Variants in SPEG observed in about 807,000 individuals in gnomAD.
SPEG encodes striated muscle enriched protein kinase, also known as striated muscle preferentially expressed protein kinase.
A neutral mutation model predicts 300.4 loss-of-function variants in SPEG; 114 were observed. The observed-to-expected ratio is 0.38, with a 90% CI of 0.33 to 0.44. The LOEUF is 0.44. Ranked by LOEUF, SPEG falls within the 20% of genes least tolerant of loss-of-function variation. SPEG has a pLI of 1.00. For synonymous variants in SPEG, 1,964 were observed against 2,018.9 expected (o/e 0.97, Z 0.73); for missense variants, 4,201 against 4,586.2 (o/e 0.92, Z 2.43).
Position 219,483,643 on chromosome 2 carries a change from G to T in SPEG, c.6180G>T (p.Glu2060Asp). The T allele has an allele frequency of 6.5e-7, 1 of 1,527,454 alleles. No homozygotes were observed. Among genetic ancestry groups the T allele is most frequent in the Admixed American group, 2.0e-5 (1 of 51,046 alleles). 94.6% of individuals were successfully genotyped at this position (1,527,454 alleles called of 1,614,324 possible). ...ATRLARGGLG[E>D]GEYAQRLQAL... Reference sequence around the variant, plus strand: ...GCCTGGCCCGGGGAGGCCTGGGTGAGGGCGAGTATGCCCAGAGGCTGCAGG... The same window carrying T: ...GCCTGGCCCGGGGAGGCCTGGGTGATGGCGAGTATGCCCAGAGGCTGCAGG... Residue 2060 changes from glutamate to aspartate, a missense_variant, in exon 30 of 41, where the codon GAG (glutamate) becomes GAT (aspartate). Physicochemically the swap from Glu to Asp is conservative, Grantham distance 45 (BLOSUM62 2). This residue lies in a region of SPEG where 1,578 missense variants were observed against 1,506.0 expected (regional missense o/e 1.05). Coordinates refer to ENST00000312358, the MANE Select transcript of SPEG (RefSeq NM_005876.5).
chr2:219,466,278 G>T (rs1691347343), intron 9 of SPEG: 6 of 1,426,990 alleles, frequency 4.2e-6, no homozygotes, highest in Non-Finnish European at 2.7e-6. Flanking sequence ...TGGACACATG[G>T]CTGTGCAGGC....
chr2:219,437,753 A>G (rs1215130829), intron 1 of SPEG, among the ~76,000 whole-genome samples: 1 of 152,046 alleles, frequency 6.6e-6, no homozygotes, highest in East Asian at 1.9e-4. Flanking sequence ...GACTGGGTGA[A>G]TCTGGCTTCC....
Position 219,439,057 on chromosome 2 carries a change from A to G in SPEG, c.388+3692A>G, listed in dbSNP as rs1402161108. ...CTGACCAGTGAGCGGAGGAGAGGCC[A>G]GAGTGGGAGCAGAGAGGAGCTCTGG... On this transcript the variant is annotated intron_variant, in intron 1 of 40. Transcript: ENST00000312358. This position sits in a 1 kb window ranked among gnomAD's most constrained non-coding sequence, Gnocchi z 4.5. Among the ~76,000 whole-genome samples the G allele has an allele frequency of 6.6e-6, 1 of 152,218 alleles. No homozygotes were observed. The highest frequency in any genetic ancestry group is 1.5e-5 in the Non-Finnish European group (1 of 68,040).
chr2:219,462,144 C>T (rs371879507), intron 7 of SPEG, 87 bp downstream of exon 7: 3 of 1,232,708 alleles, frequency 2.4e-6, no homozygotes, highest in African/African-American at 1.5e-5. Context: ...GCCTAGGCAA[C>T]ATCAAGACCT....
Position 219,480,136 on chromosome 2 carries a change from A to G in SPEG, c.5338A>G (p.Ile1780Val). ...GAGCCCCGTGTCTGGAGTCACTGACATCTGGTAAGGCTGGCATGCTGGGCT... is the reference window on the plus strand; with the variant it reads ...GAGCCCCGTGTCTGGAGTCACTGACGTCTGGTAAGGCTGGCATGCTGGGCT... ...NQSPVSGVTDIWPVGVVAFLC... is the reference protein window; with the variant it reads ...NQSPVSGVTDVWPVGVVAFLC... Residue 1780 changes from isoleucine (I) to valine (V), a missense_variant, in exon 25 of 41, where the codon ATC (isoleucine) becomes GTC (valine). Ile to Val is a conservative substitution (Grantham distance 29). Around this residue, in one of 4 missense-constraint regions of SPEG, gnomAD observed 1,047 missense variants for 1,356.8 expected, o/e 0.77. Transcript: ENST00000312358. The surrounding 1 kb of genome is among the most constrained non-coding windows in gnomAD (Gnocchi z 5.3). The G allele has an allele frequency of 6.2e-7, 1 of 1,613,690 alleles. No homozygotes were observed. The highest frequency in any genetic ancestry group is 8.5e-7 in the Non-Finnish European group (1 of 1,179,944).
In SPEG at chr2:219,434,885, C is replaced by T. The variant is rs982078719; in HGVS notation, c.-93C>T. On this transcript the variant is annotated 5_prime_UTR_variant, in exon 1 of 41. Transcript: ENST00000312358. The stretch of plus-strand genomic sequence containing the variant: ...GGCGGGCAGCAGGAAGGCAGGCCGC[C>T]GGCCCCCCAGACTTGTCTCCTAGGG... The T allele has an allele frequency of 4.3e-5, 36 of 840,410 alleles. No homozygotes were observed. Among genetic ancestry groups the T allele is most frequent in the African/African-American group, 3.8e-4 (21 of 55,338 alleles). The allele number at this position is 840,410 out of a possible 1,614,324, so 52.1% of individuals were successfully genotyped here.
At position 219,484,780 on chromosome 2, in the gene SPEG, G is replaced by A. The variant is rs1044794035; in HGVS notation, c.7317G>A (p.Ser2439=). The A allele has an allele frequency of 6.1e-5, 90 of 1,467,396 alleles. No individual in the cohort carries two copies. The highest frequency in any genetic ancestry group is 4.3e-4 in the Admixed American group (17 of 39,788). The allele number at this position is 1,467,396 out of a possible 1,614,324, so 90.9% of individuals were successfully genotyped here. A position where few individuals can be genotyped will look rare whatever the true frequency, so the allele number is the denominator to read the frequency against. ...CCCGCGGCGGGGACGGAGAGAGCTC[G>A]GAGGGCGGGAGCTCGGCGCGGGGCT... ...WEARGGDGES[S]EGGSSARGSP... is the part of the protein sequence containing the mutation. Residue 2439 remains serine, a synonymous_variant, in exon 30 of 41, where the codon TCG becomes TCA. Coordinates refer to ENST00000312358, the MANE Select transcript of SPEG (RefSeq NM_005876.5).
intron 4 of SPEG, among the ~76,000 whole-genome samples, chr2:219,450,315 T>A (rs1689647952): frequency 6.6e-6 from 1 of 152,198 alleles, no homozygotes. Flanking sequence ...ATCTTACAGA[T>A]AACAAAACTG....
intron 9 of SPEG, chr2:219,465,746 G>A: frequency 6.1e-6 from 3 of 490,526 alleles, no homozygotes; most frequent in South Asian, 2.2e-5. Flanking sequence ...CTGCCCTGAC[G>A]GTGTGAGAGG....
chr2:219,465,935 G>A lies in SPEG; in HGVS notation c.2882-1239G>A, dbSNP rs566180413. 51 of 765,450 alleles carry A rather than the reference G, an allele frequency of 6.7e-5. No homozygotes were observed. The Middle Eastern group carries it at 1.8e-3, about 27-fold the overall frequency. The allele number at this position is 765,450 out of a possible 1,614,324, so 47.4% of individuals were successfully genotyped here. A position where few individuals can be genotyped will look rare whatever the true frequency, so the allele number is the denominator to read the frequency against. On this transcript the variant is annotated intron_variant, in intron 9 of 40. Coordinates refer to ENST00000312358, the MANE Select transcript of SPEG (RefSeq NM_005876.5). ...TGCGTGTGTGTGTGCGCGCGTGTGC[G>A]TGCACGTGTGCGTGCATGTGTGCGT...
Position 219,464,490 on chromosome 2 carries a change from G to T in SPEG, c.2763G>T (p.Glu921Asp), listed in dbSNP as rs956843160. ...PDQRRFAEEA[E>D]GGLCRLRILA... ...AGCGGCGCTTTGCGGAGGAGGCTGA[G>T]GGTGGGCTGTGCCGGCTGCGGATCC... Residue 921 changes from glutamate (E) to aspartate (D), a missense_variant, in exon 9 of 41, where the codon GAG (glutamate) becomes GAT (aspartate). Glu to Asp is a conservative substitution (Grantham distance 45). Coordinates refer to ENST00000312358, the MANE Select transcript of SPEG (RefSeq NM_005876.5). This position sits in a 1 kb window ranked among gnomAD's most constrained non-coding sequence, Gnocchi z 4.5. 2.0e-5 allele frequency: 33 copies of T among 1,613,870 alleles called. No individual in the cohort carries two copies. Among genetic ancestry groups the T allele is most frequent in the Non-Finnish European group, 2.8e-5 (33 of 1,180,032 alleles).
intron 14 of SPEG, 56 bp from the exon 15 acceptor site, chr2:219,472,171 T>A: frequency 6.3e-7 from 1 of 1,577,580 alleles, no homozygotes; most frequent in Non-Finnish European, 8.7e-7. Flanking sequence ...GGCTCGGTGA[T>A]CCTGTGGGGC....
chr2:219,491,135 C>T (rs1220628555), intron 38 of SPEG, among the ~76,000 whole-genome samples, 179 bp downstream of exon 38: 2 of 152,188 alleles, frequency 1.3e-5, no homozygotes, highest in Non-Finnish European at 1.5e-5. Context: ...ATAATATTAG[C>T]CCCCTTTTAC....
intron 9 of SPEG, chr2:219,466,328 G>C: frequency 7.1e-7 from 1 of 1,408,550 alleles, no homozygotes; most frequent in Non-Finnish European, 9.2e-7. Context: ...GGAAGGGGCG[G>C]CTGCGAGGGG....
Position 219,492,833 on chromosome 2 carries a change from C to T in SPEG, c.*47C>T. ...CTCGGGCTTCAACTGGGGTTCCCAC[C>T]AATGCCACGGGACATTCCAGGGCCC... On this transcript the variant is annotated 3_prime_UTR_variant, in exon 41 of 41. Coordinates refer to ENST00000312358, the MANE Select transcript of SPEG (RefSeq NM_005876.5). 6.6e-7 allele frequency: 1 copy of T among 1,520,708 alleles called. No homozygotes were observed. The highest frequency in any genetic ancestry group is 1.2e-5 in the South Asian group (1 of 84,158). The allele number at this position is 1,520,708 out of a possible 1,614,324, so 94.2% of individuals were successfully genotyped here. A position where few individuals can be genotyped will look rare whatever the true frequency, so the allele number is the denominator to read the frequency against.
In SPEG at chr2:219,489,913, C is replaced by A; in HGVS notation, c.8895C>A (p.Pro2965=). 6.3e-7 allele frequency: 1 copy of A among 1,581,044 alleles called. No individual in the cohort carries two copies. The highest frequency in any genetic ancestry group is 1.3e-5 in the African/African-American group (1 of 74,350). ...TTCGACAGGGTCCCCCTCAGAAACCCTACACCTTCCTGGAGGAGAAAGCCA... is the reference window on the plus strand; with the variant it reads ...TTCGACAGGGTCCCCCTCAGAAACCATACACCTTCCTGGAGGAGAAAGCCA... ...TTLRQGPPQK[P]YTFLEEKARG... The change falls in exon 36 of 41, where the codon CCC becomes CCA. Residue 2965 remains proline (P), a synonymous_variant. Coordinates refer to ENST00000312358, the MANE Select transcript of SPEG (RefSeq NM_005876.5).
At position 219,471,929 on chromosome 2, in the gene SPEG, GA is replaced by G. The variant is rs773981478; in HGVS notation, c.3778del (p.Ser1260AlafsTer35). 6.2e-7 allele frequency: 1 copy of G among 1,613,992 alleles called. No homozygotes were observed. The highest frequency in any genetic ancestry group is 8.5e-7 in the Non-Finnish European group (1 of 1,180,018). On this transcript the variant is annotated frameshift_variant, in exon 14 of 41. Coordinates refer to ENST00000312358, the MANE Select transcript of SPEG (RefSeq NM_005876.5). LOFTEE classifies it high-confidence loss of function. The part of the protein sequence containing the change: ...VGPQHAGVYK[S>X]VIANKLGKAA... ...GGCCTCAGCACGCCGGTGTCTACAA[GA>G]GCGTCATTGCCAACAAGCTGGGCAA...
rs1954810668 is a variant in SPEG at position 219,439,817 on chromosome 2, C to A, written c.388+4452C>A. Among the ~76,000 whole-genome samples, 1 of 152,202 alleles carries A rather than the reference C, an allele frequency of 6.6e-6. No individual in the cohort carries two copies. The highest frequency in any genetic ancestry group is 2.4e-5 in the African/African-American group (1 of 41,440). On this transcript the variant is annotated intron_variant, in intron 1 of 40. Transcript: ENST00000312358. The surrounding 1 kb of genome is among the most constrained non-coding windows in gnomAD (Gnocchi z 4.5). ...TTGGTTATTTTTGCTACGGAATGTG[C>A]CAGCCCCTTGGATTCTCCTGGGGAA... is the stretch of plus-strand genomic sequence containing the variant.
In SPEG at chr2:219,480,840, C is replaced by G. The variant is rs1193194265; in HGVS notation, c.5369+143C>G. The G allele has an allele frequency of 1.3e-6, 1 of 791,160 alleles. No homozygotes were observed. The highest frequency in any genetic ancestry group is 2.1e-6 in the Non-Finnish European group (1 of 466,918). The allele number at this position is 791,160 out of a possible 1,614,324, so 49.0% of individuals were successfully genotyped here. ...AGCCTCATGTGCATGAAGGTGGACA[C>G]CCCTGTCTGCATGCCCACACTCTGC... is the stretch of plus-strand genomic sequence containing the variant. On this transcript the variant is annotated intron_variant, in intron 26 of 40. Coordinates refer to ENST00000312358, the MANE Select transcript of SPEG (RefSeq NM_005876.5). The surrounding 1 kb of genome is among the most constrained non-coding windows in gnomAD (Gnocchi z 5.3).
Sources: allele counts gnomAD v4.1 joint callset (sites outside exome capture counted in the v4.1 genomes callset), GRCh38; gene constraint gnomAD v4.1.1; regional missense constraint gnomAD v4.1.1; non-coding constraint Gnocchi (gnomAD v3.1); transcripts MANE v1.5; gene names NCBI Gene and HGNC (gene_info 2026-07-23, HGNC 2026-07-21).